RBFOX2: variants seen among roughly 807,000 people sequenced by gnomAD.
RBFOX2 encodes RNA binding protein fox-1 homolog 2.
Under a neutral mutation model 49.1 loss-of-function variants are expected in RBFOX2, and 10 were observed. That is an observed-to-expected ratio of 0.20 (90% CI 0.13 to 0.35). The LOEUF (loss-of-function observed/expected upper bound fraction) is 0.35, where lower values mean the gene tolerates loss of function less well. RBFOX2 is among the 10% of genes least tolerant of loss of function. RBFOX2 has a pLI of 1.00. For missense variants in RBFOX2, 323 were observed against 486.9 expected, an observed-to-expected ratio of 0.66 and a Z score of 3.17; for synonymous variants, 183 against 187.4, an observed-to-expected ratio of 0.98 and a Z score of 0.19.
intron 1 of RBFOX2, among the ~76,000 whole-genome samples, chr22:35,958,216 C>A (rs1051255952): frequency 3.9e-5 from 6 of 152,090 alleles, no homozygotes; most frequent in African/African-American, 1.4e-4. Flanking sequence ...TGATGTTAAA[C>A]CAGCTCTGGT....
At chr22:35,834,279 TGA>T (rs1188557470) in intron 1 of RBFOX2, among the ~76,000 whole-genome samples, 5 of 152,230 alleles carry the variant, frequency 3.3e-5, no homozygotes, top group Non-Finnish European at 7.3e-5. Context: ...ACAGAGCTGC[TGA>T]GAGGATTCAA....
chr22:35,891,334 C>G (rs555319836), intron 1 of RBFOX2, among the ~76,000 whole-genome samples: 1 of 152,162 alleles, frequency 6.6e-6, no homozygotes, highest in South Asian at 2.1e-4. Context: ...GGTGTTTCAC[C>G]ATGTTAGCCA....
intron 1 of RBFOX2, among the ~76,000 whole-genome samples, chr22:35,829,881 C>T (rs1686064210): frequency 6.6e-6 from 1 of 152,262 alleles, no homozygotes; most frequent in Non-Finnish European, 1.5e-5. Context: ...GCCTGACTCC[C>T]CAGGAGGCTA....
At chr22:35,926,011 T>C (rs182723591) in intron 1 of RBFOX2, among the ~76,000 whole-genome samples, 5 of 152,362 alleles carry the variant, frequency 3.3e-5, no homozygotes, top group Admixed American at 3.3e-4. Context: ...ATCAGTATAA[T>C]AGTATGCAGC....
At position 36,028,237 on chromosome 22, in the gene RBFOX2, C is replaced by A; in HGVS notation, c.186+3G>T. On this transcript the variant is annotated splice_donor_region_variant and intron_variant, in intron 1 of 13. Transcript: ENST00000438146. The stretch of plus-strand genomic sequence containing the variant: ...AACTGGGCGCCCCGTCCCGCGCGGT[C>A]ACCTGCATCCCGCCGCCACCGTCGG... 4 of 1,513,014 alleles carry A rather than the reference C, an allele frequency of 2.6e-6. No individual in the cohort carries two copies. The highest frequency in any genetic ancestry group is 2.5e-5 in the South Asian group (2 of 81,422). 93.7% of individuals were successfully genotyped at this position (1,513,014 alleles called of 1,614,324 possible). A position where few individuals can be genotyped will look rare whatever the true frequency, so the allele number is the denominator to read the frequency against.
chr22:36,000,374 T>G (rs2058365764), intron 1 of RBFOX2: 1 of 152,174 alleles, frequency 6.6e-6, no homozygotes, highest in African/African-American at 2.4e-5. Flanking sequence ...TCAGAGGGAT[T>G]GCTAGACAAT....
chr22:36,015,268 T>C (rs111667427), intron 1 of RBFOX2, among the ~76,000 whole-genome samples: 2 of 152,232 alleles, frequency 1.3e-5, no homozygotes, highest in Admixed American at 6.5e-5. Flanking sequence ...TATGTAAGTA[T>C]GTAACTAATG....
intron 1 of RBFOX2, among the ~76,000 whole-genome samples, chr22:35,849,338 C>T (rs899896558): frequency 6.6e-6 from 1 of 150,964 alleles, no homozygotes; most frequent in Non-Finnish European, 1.5e-5. Flanking sequence ...CACACAGACA[C>T]ACAGAATCTC....
chr22:36,005,504 A>G lies in RBFOX2; in HGVS notation c.186+22736T>C, dbSNP rs377051476. ...ACTTGGCACTTTGTGAGGACTGACA[A>G]ATATTCTGAGGGCAAAAATTGCTCT... On this transcript the variant is annotated intron_variant, in intron 1 of 13. Coordinates refer to the RBFOX2 transcript ENST00000438146. 5.9e-5 allele frequency among the ~76,000 whole-genome samples: 9 copies of G among 152,360 alleles called. No individual in the cohort carries two copies. The East Asian group carries it at 1.2e-3, about 20-fold the overall frequency.
Position 36,027,470 on chromosome 22 carries a change from C to T in RBFOX2, c.186+770G>A, listed in dbSNP as rs2059484823. Reference sequence around the variant, plus strand: ...CCCTACCCAAATTAACCACGTTTATCTTTCAATCCAGAATTGAGAATCCAG... The same window carrying T: ...CCCTACCCAAATTAACCACGTTTATTTTTCAATCCAGAATTGAGAATCCAG... On this transcript the variant is annotated intron_variant, in intron 1 of 13. Transcript: ENST00000438146. Among the ~76,000 whole-genome samples, 4 of 152,330 alleles carry T rather than the reference C, an allele frequency of 2.6e-5. No homozygotes were observed. In the South Asian group the frequency reaches 8.3e-4, roughly 32 times the overall value.
chr22:35,875,572 G>A (rs1175810534), intron 1 of RBFOX2, among the ~76,000 whole-genome samples: 2 of 148,940 alleles, frequency 1.3e-5, no homozygotes, highest in Non-Finnish European at 3.0e-5. Context: ...CCCAAACTAT[G>A]CACCATCAAC....
intron 1 of RBFOX2, chr22:35,999,475 G>A (rs2058323555): frequency 6.6e-6 from 1 of 151,984 alleles, no homozygotes; most frequent in Non-Finnish European, 1.5e-5. Flanking sequence ...GAGGATCGCT[G>A]GGGCCCAAGA....
rs2051591374 is a variant in RBFOX2 at position 35,926,016 on chromosome 22, T to A, written c.-34+12831A>T. On this transcript the variant is annotated intron_variant, in intron 1 of 13. Transcript: ENST00000359369. ...CCTAGATGAGATCAGTATAATAGTA[T>A]GCAGCTAATGCTATTAAGAAAATTA... Among the ~76,000 whole-genome samples the A allele has an allele frequency of 2.0e-5, 3 of 152,242 alleles. No individual in the cohort carries two copies. In the South Asian group the frequency reaches 6.2e-4, roughly 31 times the overall value.
At chr22:35,762,104 T>A (rs1939114708) in intron 6 of RBFOX2, among the ~76,000 whole-genome samples, 2 of 152,230 alleles carry the variant, frequency 1.3e-5, no homozygotes, top group Admixed American at 1.3e-4. Flanking sequence ...TTCTGAGGCT[T>A]TAATGTGTAA....
At chr22:35,761,108 T>G (rs1938650289) in intron 8 of RBFOX2, 94 bp downstream of exon 9, 1 of 1,070,256 alleles carries the variant, frequency 9.3e-7, no homozygotes, top group South Asian at 1.4e-5. Context: ...AATTTCCATT[T>G]CAGTTATGTA....
intron 1 of RBFOX2, among the ~76,000 whole-genome samples, chr22:35,888,155 T>A (rs1305177523): frequency 1.3e-5 from 2 of 152,172 alleles, no homozygotes; most frequent in African/African-American, 2.4e-5. Flanking sequence ...AACAGAAGAT[T>A]GCTGGATAAA....
intron 9 of RBFOX2, among the ~76,000 whole-genome samples, chr22:35,757,269 T>C (rs1009988872): frequency 6.6e-6 from 1 of 151,178 alleles, no homozygotes; most frequent in Non-Finnish European, 1.5e-5. Flanking sequence ...TATTCTTAAG[T>C]ATAGATTTCC....
chr22:35,920,377 C>A (rs1399350289), intron 1 of RBFOX2, among the ~76,000 whole-genome samples: 3 of 152,182 alleles, frequency 2.0e-5, no homozygotes, highest in Non-Finnish European at 2.9e-5. Flanking sequence ...GCTGTTGGTG[C>A]CATCAAATTG....
intron 1 of RBFOX2, among the ~76,000 whole-genome samples, chr22:35,856,665 G>A (rs920206876): frequency 3.4e-4 from 51 of 151,722 alleles, no homozygotes; most frequent in Non-Finnish European, 6.6e-4. Flanking sequence ...GCTAGGGCTT[G>A]AGCTGGAAGG....
Sources: gnomAD v4.1 joint callset for allele counts (sites outside exome capture counted in the v4.1 genomes callset) on GRCh38, gnomAD v4.1.1 for gene constraint, MANE v1.5 for transcripts, NCBI Gene and HGNC (gene_info 2026-07-23, HGNC 2026-07-21) for gene names.